Variants in TMEM135 observed in about 807,000 individuals in gnomAD.
TMEM135 encodes transmembrane protein 135, also known as peroxisomal membrane protein 52.
TMEM135 carries 30 observed loss-of-function variants against 60.3 expected under a neutral mutation model. That is an observed-to-expected ratio of 0.50 (90% CI 0.37 to 0.68). The LOEUF (loss-of-function observed/expected upper bound fraction) is 0.68, where lower values mean the gene tolerates loss of function less well. TMEM135 is among the 30% of genes least tolerant of loss of function. The pLI is 0.00. For missense variants in TMEM135, 468 were observed against 548.8 expected, an observed-to-expected ratio of 0.85 and a Z score of 1.47; for synonymous variants, 190 against 186.7, an observed-to-expected ratio of 1.02 and a Z score of -0.14.
chr11:87,262,773 C>G (rs1000958517), intron 6 of TMEM135, among the ~76,000 whole-genome samples: 1 of 152,086 alleles, frequency 6.6e-6, no homozygotes. Flanking sequence ...GGACAAAAAT[C>G]TATGCAAGGA....
intron 5 of TMEM135, chr11:87,157,881 T>C (rs757240208): frequency 6.4e-6 from 1 of 155,854 alleles, no homozygotes; most frequent in Non-Finnish European, 1.4e-5. Context: ...GTTTTGACTT[T>C]TTAAAATGCT....
chr11:87,311,460 A>C (rs922125913), intron 10 of TMEM135, among the ~76,000 whole-genome samples: 1 of 152,096 alleles, frequency 6.6e-6, no homozygotes, highest in Non-Finnish European at 1.5e-5. Flanking sequence ...CTCACGTTAT[A>C]GCATTTGTAT....
At chr11:87,099,304 C>T (rs889597958) in intron 4 of TMEM135, among the ~76,000 whole-genome samples, 7 of 151,862 alleles carry the variant, frequency 4.6e-5, no homozygotes, top group Admixed American at 4.6e-4. Context: ...ACTTAAAATA[C>T]TGTATTTAAA....
At chr11:87,098,963 C>T (rs1857392467) in intron 4 of TMEM135, among the ~76,000 whole-genome samples, 1 of 152,150 alleles carries the variant, frequency 6.6e-6, no homozygotes, top group Non-Finnish European at 1.5e-5. Flanking sequence ...GCTTGGATTA[C>T]AGGTGTGAGC....
chr11:87,310,553 C>G (rs1360578185), intron 10 of TMEM135, among the ~76,000 whole-genome samples: 1 of 151,184 alleles, frequency 6.6e-6, no homozygotes, highest in African/African-American at 2.4e-5. Flanking sequence ...CCCCAAACCT[C>G]TGCACCACAC....
intron 4 of TMEM135, among the ~76,000 whole-genome samples, chr11:87,101,630 A>G (rs1857457768): frequency 2.0e-5 from 3 of 152,202 alleles, no homozygotes; most frequent in South Asian, 4.1e-4. Context: ...TTAAACATGC[A>G]GTGTCTTTTA....
intron 6 of TMEM135, among the ~76,000 whole-genome samples, chr11:87,277,626 A>C (rs1358188088): frequency 6.6e-6 from 1 of 151,634 alleles, no homozygotes; most frequent in Non-Finnish European, 1.5e-5. Flanking sequence ...GGTTCAATCA[A>C]TTCTCCTGCC....
chr11:87,156,970 G>A (rs146777889), intron 4 of TMEM135, among the ~76,000 whole-genome samples: 23 of 152,130 alleles, frequency 1.5e-4, no homozygotes, highest in African/African-American at 5.1e-4. Flanking sequence ...AAAAGATTGT[G>A]ATTATGATAT....
intron 5 of TMEM135, among the ~76,000 whole-genome samples, chr11:87,169,033 T>G (rs1377253097): frequency 6.6e-6 from 1 of 152,116 alleles, no homozygotes; most frequent in African/African-American, 2.4e-5. Flanking sequence ...CTTGTTGCAC[T>G]GATCCCTTTG....
At chr11:87,139,223 T>G (rs1938197278) in intron 4 of TMEM135, among the ~76,000 whole-genome samples, 1 of 152,158 alleles carries the variant, frequency 6.6e-6, no homozygotes, top group South Asian at 2.1e-4. Flanking sequence ...AAGGGGGAGT[T>G]GAATTACCAC....
intron 14 of TMEM135, among the ~76,000 whole-genome samples, chr11:87,320,014 A>G (rs533661117): frequency 6.6e-6 from 1 of 152,292 alleles, no homozygotes; most frequent in South Asian, 2.1e-4. Context: ...GGTTGTAGGA[A>G]AATTAAGATG....
chr11:87,168,904 A>T (rs1565471359), intron 5 of TMEM135, among the ~76,000 whole-genome samples: 1 of 152,006 alleles, frequency 6.6e-6, no homozygotes, highest in Non-Finnish European at 1.5e-5. Flanking sequence ...ATGAGGTGTT[A>T]AACTCTCCCA....
At chr11:87,149,770 C>G (rs1193725968) in intron 4 of TMEM135, among the ~76,000 whole-genome samples, 1 of 152,188 alleles carries the variant, frequency 6.6e-6, no homozygotes, top group African/African-American at 2.4e-5. Context: ...TTCACATTTA[C>G]TTATACAATT....
At position 87,157,337 on chromosome 11, in the gene TMEM135, A is replaced by G; in HGVS notation, c.397-4A>G. 1 of 1,610,836 alleles carries G rather than the reference A, an allele frequency of 6.2e-7. No homozygotes were observed. Among genetic ancestry groups the G allele is most frequent in the Non-Finnish European group, 8.5e-7 (1 of 1,178,502 alleles). Reference sequence around the variant, plus strand: ...TTTTGCTGTTTTTTTTTTTTAATTTACAGGCCACAGAAACACTATTCAGAA... The same window carrying G: ...TTTTGCTGTTTTTTTTTTTTAATTTGCAGGCCACAGAAACACTATTCAGAA... On this transcript the variant is annotated splice_polypyrimidine_tract_variant and splice_region_variant and intron_variant, in intron 4 of 14. Coordinates refer to ENST00000305494, the MANE Select transcript of TMEM135 (RefSeq NM_022918.4).
chr11:87,107,465 C>G (rs560390434), intron 4 of TMEM135, among the ~76,000 whole-genome samples: 1 of 150,410 alleles, frequency 6.6e-6, no homozygotes, highest in South Asian at 2.1e-4. Context: ...CACCCTGTGT[C>G]CAAGTGTTCT....
chr11:87,105,041 T>A (rs2135189604), intron 4 of TMEM135, among the ~76,000 whole-genome samples: 1 of 152,368 alleles, frequency 6.6e-6, no homozygotes, highest in East Asian at 1.9e-4. Context: ...GAGTATGATG[T>A]TAGCCGTGGG....
At chr11:87,269,319 T>C in intron 6 of TMEM135, among the ~76,000 whole-genome samples, 1 of 145,156 alleles carries the variant, frequency 6.9e-6, no homozygotes, top group Non-Finnish European at 1.5e-5. Context: ...TTTTTTTTTG[T>C]GCAAGTGTGG....
At chr11:87,176,268 C>T (rs1416837615) in intron 5 of TMEM135, among the ~76,000 whole-genome samples, 1 of 152,102 alleles carries the variant, frequency 6.6e-6, no homozygotes, top group Non-Finnish European at 1.5e-5. Flanking sequence ...TGGCACCTCC[C>T]TGCCCCTTCC....
intron 6 of TMEM135, among the ~76,000 whole-genome samples, chr11:87,272,302 C>T (rs1269515715): frequency 3.3e-5 from 5 of 151,898 alleles, no homozygotes; most frequent in South Asian, 2.1e-4. Context: ...GCAATCCTCC[C>T]GCCTCAGTCT....
Sources: allele counts gnomAD v4.1 joint callset (sites outside exome capture counted in the v4.1 genomes callset), GRCh38; gene constraint gnomAD v4.1.1; transcripts MANE v1.5; gene names NCBI Gene and HGNC (gene_info 2026-07-23, HGNC 2026-07-21).